The following SLC7A14 variants were observed in gnomAD, a reference collection of about 807,000 sequenced individuals.
The protein encoded by SLC7A14 is solute carrier family 7 member 14.
A neutral mutation model predicts 60.2 loss-of-function variants in SLC7A14; 37 were observed. The observed-to-expected ratio is 0.61, with a 90% CI of 0.47 to 0.81. SLC7A14 has a LOEUF of 0.81. Ranked by LOEUF, SLC7A14 falls within the 30% of genes least tolerant of loss-of-function variation. The pLI is 0.00. For synonymous variants in SLC7A14, 399 were observed against 395.8 expected (o/e 1.01, Z -0.10); for missense variants, 886 against 982.7 (o/e 0.90, Z 1.32).
At chr3:170,542,422 A>G (rs1714048291) in intron 1 of SLC7A14, among the ~76,000 whole-genome samples, 1 of 152,190 alleles carries the variant, frequency 6.6e-6, no homozygotes, top group Non-Finnish European at 1.5e-5. Context: ...GCCACTCTAT[A>G]GCTACTCTCT....
rs552946492 is a variant in SLC7A14, at chr3:170,562,248, C to T, written c.-153+23663G>A. Among the ~76,000 whole-genome samples, 41 of 152,236 alleles carry T rather than the reference C, an allele frequency of 2.7e-4. 2 individuals carry two copies. The South Asian group carries it at 8.1e-3, about 30-fold the overall frequency. On this transcript the variant is annotated intron_variant, in intron 1 of 7. Coordinates refer to ENST00000231706, the MANE Select transcript of SLC7A14 (RefSeq NM_020949.3). ...AAAAATTTGGAACCAGCCCAAATACCCATCAATCAACAAGTGGATAAAGAA... is the reference window on the plus strand; with the variant it reads ...AAAAATTTGGAACCAGCCCAAATACTCATCAATCAACAAGTGGATAAAGAA...
intron 1 of SLC7A14, among the ~76,000 whole-genome samples, chr3:170,567,615 A>C (rs1446943149): frequency 2.0e-5 from 3 of 149,788 alleles, no homozygotes; most frequent in Admixed American, 2.0e-4. Context: ...ACTAGTTTAC[A>C]GTCCCACCAA....
intron 1 of SLC7A14, among the ~76,000 whole-genome samples, chr3:170,544,906 G>T (rs73879206): frequency 0.023 from 3,463 of 152,282 alleles, 126 homozygotes; most frequent in African/African-American, 0.077. Flanking sequence ...GGACTGTAGG[G>T]CAGCACTGTC....
intron 1 of SLC7A14, among the ~76,000 whole-genome samples, chr3:170,557,999 C>T (rs757553330): frequency 7.2e-5 from 11 of 152,152 alleles, no homozygotes; most frequent in Non-Finnish European, 1.0e-4. Flanking sequence ...TTACACTACA[C>T]GCTGGGGGGC....
At chr3:170,557,203 G>T (rs999460068) in intron 1 of SLC7A14, among the ~76,000 whole-genome samples, 4 of 151,948 alleles carry the variant, frequency 2.6e-5, no homozygotes, top group Non-Finnish European at 5.9e-5. Flanking sequence ...TTCTTATTGG[G>T]TATAGGCCAT....
At position 170,532,002 on chromosome 3, in the gene SLC7A14, T is replaced by TGAGGA. The variant is rs1713692324; in HGVS notation, c.-152-4919_-152-4915dup. 6.6e-6 allele frequency among the ~76,000 whole-genome samples: 1 copy of TGAGGA among 151,948 alleles called. No homozygotes were observed. Among genetic ancestry groups the TGAGGA allele is most frequent in the South Asian group, 2.1e-4 (1 of 4,794 alleles). On this transcript the variant is annotated intron_variant, in intron 1 of 7. Transcript: ENST00000231706. This position sits in a 1 kb window ranked among gnomAD's most constrained non-coding sequence, Gnocchi z 4.0. ...TTAGGCTAGAGACTGCCTTTGGAGG[T>TGAGGA]GAGGAGAGGAAGGAAACGAAGGCTA...
chr3:170,560,923 CTT>C (rs1714629482), intron 1 of SLC7A14, among the ~76,000 whole-genome samples: 1 of 152,190 alleles, frequency 6.6e-6, no homozygotes, highest in Admixed American at 6.5e-5. Context: ...TGGTTACCCA[CTT>C]TAACCACGAG....
chr3:170,509,571 A>G (rs1712900343), intron 2 of SLC7A14, among the ~76,000 whole-genome samples: 1 of 152,224 alleles, frequency 6.6e-6, no homozygotes, highest in Non-Finnish European at 1.5e-5. Flanking sequence ...GCACTTTGGG[A>G]GGCCGAGGCA....
intron 4 of SLC7A14, among the ~76,000 whole-genome samples, chr3:170,494,070 C>A (rs190446710): frequency 6.6e-6 from 1 of 152,242 alleles, no homozygotes; most frequent in Admixed American, 6.5e-5. Context: ...AAAAGATAAC[C>A]AGTTCATGGT....
At chr3:170,578,911 A>G (rs1715166977) in intron 1 of SLC7A14, among the ~76,000 whole-genome samples, 1 of 152,198 alleles carries the variant, frequency 6.6e-6, no homozygotes, top group Admixed American at 6.5e-5. Flanking sequence ...AGTTCTTGCA[A>G]CATGGATGAT....
In SLC7A14 at chr3:170,550,512, A is replaced by ATTTTTTT. The variant is rs369436642; in HGVS notation, c.-152-23431_-152-23425dup. 2.3e-4 allele frequency among the ~76,000 whole-genome samples: 14 copies of ATTTTTTT among 60,610 alleles called. 2 individuals carry two copies. Among genetic ancestry groups the ATTTTTTT allele is most frequent in the African/African-American group, 8.7e-4 (10 of 11,472 alleles). 39.8% of individuals were successfully genotyped at this position (60,610 alleles called of 152,430 possible). ...TAAACCTAATGCCATCTTTCCTTGAATTTTTTTTTTTTTTTTTTTTTTTTT... is the reference window on the plus strand; with the variant it reads ...TAAACCTAATGCCATCTTTCCTTGAATTTTTTTTTTTTTTTTTTTTTTTTTTTTTTTT... On this transcript the variant is annotated intron_variant, in intron 1 of 7. Coordinates refer to ENST00000231706, the MANE Select transcript of SLC7A14 (RefSeq NM_020949.3).
intron 1 of SLC7A14, among the ~76,000 whole-genome samples, chr3:170,579,507 C>T (rs1455623168): frequency 1.3e-5 from 2 of 152,146 alleles, no homozygotes; most frequent in Non-Finnish European, 2.9e-5. Context: ...AATATTTTGC[C>T]TTTGGCAAAT....
chr3:170,568,214 G>T (rs1367879115), intron 1 of SLC7A14, among the ~76,000 whole-genome samples: 2 of 152,130 alleles, frequency 1.3e-5, no homozygotes, highest in African/African-American at 4.8e-5. Context: ...TCCAGTTTCA[G>T]CTTTCTACAT....
intron 1 of SLC7A14, among the ~76,000 whole-genome samples, chr3:170,552,181 A>G (rs1481356898): frequency 6.6e-6 from 1 of 152,086 alleles, no homozygotes; most frequent in East Asian, 1.9e-4. Context: ...TCTTTTCCCT[A>G]CTGAATTGTG....
intron 7 of SLC7A14, among the ~76,000 whole-genome samples, chr3:170,467,625 C>A (rs535364702): frequency 6.6e-6 from 1 of 152,314 alleles, no homozygotes; most frequent in East Asian, 1.9e-4. Flanking sequence ...AAAGGTCTGA[C>A]AACACTGCAT....
intron 4 of SLC7A14, among the ~76,000 whole-genome samples, chr3:170,488,769 C>T (rs1712117274): frequency 6.6e-6 from 1 of 152,202 alleles, no homozygotes; most frequent in Non-Finnish European, 1.5e-5. Context: ...GGGGGAAAAT[C>T]TTCAGGACAT....
At chr3:170,505,129 A>G (rs1712736732) in intron 2 of SLC7A14, among the ~76,000 whole-genome samples, 1 of 152,000 alleles carries the variant, frequency 6.6e-6, no homozygotes, top group Non-Finnish European at 1.5e-5. Flanking sequence ...CTTTTTAGAC[A>G]TTGAATTTTC....
intron 7 of SLC7A14, among the ~76,000 whole-genome samples, chr3:170,479,149 A>T (rs1043681655): frequency 2.7e-5 from 3 of 109,292 alleles, no homozygotes; most frequent in Non-Finnish European, 4.5e-5. Flanking sequence ...CAAAACAAAC[A>T]AATAACAACA....
intron 7 of SLC7A14, among the ~76,000 whole-genome samples, chr3:170,477,760 C>T (rs1049781461): frequency 2.6e-5 from 4 of 152,122 alleles, no homozygotes; most frequent in Admixed American, 2.0e-4. Context: ...AATAACTGTA[C>T]AATATTTTTA....
Sources: allele counts gnomAD v4.1 joint callset (sites outside exome capture counted in the v4.1 genomes callset), GRCh38; gene constraint gnomAD v4.1.1; non-coding constraint Gnocchi (gnomAD v3.1); transcripts MANE v1.5; gene names NCBI Gene and HGNC (gene_info 2026-07-23, HGNC 2026-07-21).